Variants in NAALADL2 observed in about 807,000 individuals in gnomAD.
NAALADL2 encodes the protein N-acetylated alpha-linked acidic dipeptidase like 2.
In NAALADL2, 76 loss-of-function variants were observed where a neutral mutation model predicts 87.2. The ratio of observed to expected loss-of-function variants is 0.87; its 90% CI spans 0.72 to 1.05. The LOEUF is 1.05. Ranked by LOEUF, NAALADL2 falls within the 50% of genes least tolerant of loss-of-function variation. NAALADL2 has a pLI of 0.00. For missense variants in NAALADL2, 1,089 were observed against 945.8 expected (o/e 1.15, Z -1.99); for synonymous variants, 354 against 331.0 (o/e 1.07, Z -0.75).
At chr3:175,075,347 A>G (rs981046910) in intron 1 of NAALADL2, among the ~76,000 whole-genome samples, 3 of 152,306 alleles carry the variant, frequency 2.0e-5, no homozygotes, top group African/African-American at 7.2e-5. Flanking sequence ...ATGTTGTTAC[A>G]TATCAGTCTT....
chr3:175,610,122 T>G (rs1442485414), intron 10 of NAALADL2, among the ~76,000 whole-genome samples: 1 of 152,224 alleles, frequency 6.6e-6, no homozygotes, highest in Admixed American at 6.5e-5. Context: ...ATTTCACTCT[T>G]ATCCATTTAC....
intron 1 of NAALADL2, among the ~76,000 whole-genome samples, chr3:174,978,728 A>G (rs967770256): frequency 7.9e-5 from 12 of 152,356 alleles, no homozygotes; most frequent in African/African-American, 2.4e-4. Flanking sequence ...AATGTGATTA[A>G]ACATAAATTA....
intron 2 of NAALADL2, among the ~76,000 whole-genome samples, chr3:175,221,079 A>G (rs986158888): frequency 4.0e-5 from 6 of 151,850 alleles, no homozygotes; most frequent in African/African-American, 1.2e-4. Flanking sequence ...AGTGCCTGTA[A>G]TCTTAGATAC....
chr3:174,890,737 G>C (rs907864993), intron 1 of NAALADL2, among the ~76,000 whole-genome samples: 1 of 152,048 alleles, frequency 6.6e-6, no homozygotes, highest in Non-Finnish European at 1.5e-5. Flanking sequence ...GATAGTGTTT[G>C]TTTATATATC....
At chr3:174,919,553 A>T (rs1038007245) in intron 1 of NAALADL2, among the ~76,000 whole-genome samples, 8 of 152,224 alleles carry the variant, frequency 5.3e-5, no homozygotes, top group South Asian at 2.1e-4. Context: ...TTCTAATTTT[A>T]GTTTTCTTGC....
At chr3:174,637,637 G>T (rs1384715519) in intron 2 of NAALADL2, among the ~76,000 whole-genome samples, 1 of 151,924 alleles carries the variant, frequency 6.6e-6, no homozygotes. Flanking sequence ...GTTAAATAAT[G>T]GAAAGCATAT....
rs369190107 is a variant in NAALADL2, at chr3:175,425,428, T to C, written c.1091-21801T>C. Reference sequence around the variant, plus strand: ...TGCTTTCTGAAGTTATAAAATACAATTAAAAATGAAACACTTTATTCATCA... The same window carrying C: ...TGCTTTCTGAAGTTATAAAATACAACTAAAAATGAAACACTTTATTCATCA... On this transcript the variant is annotated intron_variant, in intron 5 of 13. Coordinates refer to ENST00000454872, the MANE Select transcript of NAALADL2 (RefSeq NM_207015.3). 3.9e-5 allele frequency among the ~76,000 whole-genome samples: 6 copies of C among 152,162 alleles called. No individual in the cohort carries two copies. In the East Asian group the frequency reaches 1.2e-3, roughly 29 times the overall value.
chr3:175,510,927 A>G lies in NAALADL2; in HGVS notation c.1653+39169A>G, dbSNP rs138611760. On this transcript the variant is annotated intron_variant, in intron 9 of 13. Coordinates refer to ENST00000454872, the MANE Select transcript of NAALADL2 (RefSeq NM_207015.3). ...CAGCTCTTAACAGGGTGCCTCTCAT[A>G]TACTTAGTACTCTACAAATGTTATT... Among the ~76,000 whole-genome samples, 511 of 152,266 alleles carry G rather than the reference A, an allele frequency of 3.4e-3. 2 individuals are homozygous for G. Among genetic ancestry groups the G allele is most frequent in the Non-Finnish European group, 5.3e-3 (362 of 68,012 alleles).
At chr3:175,043,314 C>T (rs1310687730) in intron 1 of NAALADL2, among the ~76,000 whole-genome samples, 1 of 152,154 alleles carries the variant, frequency 6.6e-6, no homozygotes, top group African/African-American at 2.4e-5. Flanking sequence ...TCTGGGCTCA[C>T]TGCAACCTCT....
At chr3:175,528,542 T>C (rs1190199148) in intron 9 of NAALADL2, among the ~76,000 whole-genome samples, 5 of 152,000 alleles carry the variant, frequency 3.3e-5, no homozygotes, top group Non-Finnish European at 4.4e-5. Flanking sequence ...CATCCTTCAA[T>C]CCAATCAAGT....
chr3:174,941,330 T>G (rs1340004847), intron 1 of NAALADL2, among the ~76,000 whole-genome samples: 1 of 152,080 alleles, frequency 6.6e-6, no homozygotes, highest in Non-Finnish European at 1.5e-5. Context: ...TTTTTCAGTC[T>G]TCTCTTTTTT....
chr3:175,794,774 A>G (rs1392380031), intron 13 of NAALADL2, among the ~76,000 whole-genome samples: 1 of 152,230 alleles, frequency 6.6e-6, no homozygotes, highest in Admixed American at 6.5e-5. Context: ...TCTCTTCAAG[A>G]TGATAATTCA....
chr3:174,882,787 GTATATA>G (rs201781040), intron 1 of NAALADL2, among the ~76,000 whole-genome samples: 2 of 102,976 alleles, frequency 1.9e-5, no homozygotes, highest in South Asian at 3.0e-4. Flanking sequence ...ATACATATGT[GTATATA>G]TACACGTGTG....
At chr3:174,843,153 G>A (rs891401408) in intron 3 of NAALADL2, among the ~76,000 whole-genome samples, 1 of 151,862 alleles carries the variant, frequency 6.6e-6, no homozygotes, top group Admixed American at 6.6e-5. Context: ...TACATTATAC[G>A]ATATTGTTAA....
At chr3:174,877,243 T>A (rs73043517) in intron 1 of NAALADL2, among the ~76,000 whole-genome samples, 8,970 of 152,188 alleles carry the variant, frequency 0.059, 891 homozygotes, top group African/African-American at 0.2. Context: ...TATTTTCATA[T>A]ATTTTACATC....
chr3:174,797,837 A>T (rs142370922), intron 3 of NAALADL2, among the ~76,000 whole-genome samples: 1 of 152,110 alleles, frequency 6.6e-6, no homozygotes, highest in East Asian at 1.9e-4. Flanking sequence ...CATTTTTTTC[A>T]TGTATTATTT....
At chr3:175,698,331 G>GTATACATA in intron 11 of NAALADL2, among the ~76,000 whole-genome samples, 1 of 110,676 alleles carries the variant, frequency 9.0e-6, no homozygotes, top group African/African-American at 4.6e-5. Flanking sequence ...ATTTATGTAT[G>GTATACATA]TGTATATATG....
At chr3:175,110,083 G>T (rs1723923006) in intron 2 of NAALADL2, among the ~76,000 whole-genome samples, 1 of 151,790 alleles carries the variant, frequency 6.6e-6, no homozygotes, top group African/African-American at 2.4e-5. Flanking sequence ...ATCGCTTTCA[G>T]TTATTGTGTT....
intron 3 of NAALADL2, among the ~76,000 whole-genome samples, chr3:174,782,837 G>A (rs545598104): frequency 2.6e-5 from 4 of 151,996 alleles, no homozygotes; most frequent in African/African-American, 4.8e-5. Flanking sequence ...GGAGGTAACC[G>A]CCCCCATGAT....
Sources: gnomAD v4.1 joint callset for allele counts (sites outside exome capture counted in the v4.1 genomes callset) on GRCh38, gnomAD v4.1.1 for gene constraint, MANE v1.5 for transcripts, NCBI Gene and HGNC (gene_info 2026-07-23, HGNC 2026-07-21) for gene names.